FKBP1A: variants seen among roughly 807,000 people sequenced by gnomAD.
The protein encoded by FKBP1A is FKBP prolyl isomerase 1A.
In FKBP1A, 5 loss-of-function variants were observed where a neutral mutation model predicts 14.2. That is an observed-to-expected ratio of 0.35 (90% CI 0.18 to 0.74). FKBP1A has a LOEUF of 0.74. Among genes scored for constraint, FKBP1A ranks in the 30% least tolerant of loss-of-function variants. FKBP1A has a pLI of 0.56. For missense variants in FKBP1A, 53 were observed against 138.8 expected, an observed-to-expected ratio of 0.38 and a Z score of 3.10; for synonymous variants, 42 against 49.1, an observed-to-expected ratio of 0.86 and a Z score of 0.60.
chr20:1,392,762 G>C lies in FKBP1A; in HGVS notation c.85+72C>G, dbSNP rs538275946. ...CGGACCCCAGGCCCCGGGCCCCCAG[G>C]CCTCGACGGCCAGCCGCACCCGGGC... On this transcript the variant is annotated intron_variant, in intron 2 of 4. Transcript: ENST00000400137. 2.4e-4 allele frequency: 297 copies of C among 1,215,690 alleles called. No homozygotes were observed. In the African/African-American group the frequency reaches 4.4e-3, roughly 18 times the overall value. The allele number at this position is 1,215,690 out of a possible 1,614,324, so 75.3% of individuals were successfully genotyped here. A position where few individuals can be genotyped will look rare whatever the true frequency, so the allele number is the denominator to read the frequency against.
Position 1,375,590 on chromosome 20 carries a change from A to G in FKBP1A, c.99T>C (p.Asp33=), listed in dbSNP as rs753166355. ...CVVHYTGMLE[D]GKKFDSSRDR... ...CCCGGGAGGAATCAAATTTCTTTCC[A>G]TCTTCAAGCATCCCTGTGAAAAAGA... Residue 33 remains aspartate, a synonymous_variant, in exon 3 of 5, where the codon GAT becomes GAC. Transcript: ENST00000400137. The G allele has an allele frequency of 6.2e-7, 1 of 1,613,136 alleles. No homozygotes were observed. The highest frequency in any genetic ancestry group is 8.5e-7 in the Non-Finnish European group (1 of 1,179,106).
rs2089666216 is a variant in FKBP1A at position 1,386,042 on chromosome 20, G to GT, written c.85+6791dup. Among the ~76,000 whole-genome samples the GT allele has an allele frequency of 2.6e-5, 4 of 152,336 alleles. No homozygotes were observed. The South Asian group carries it at 8.3e-4, about 32-fold the overall frequency. On this transcript the variant is annotated intron_variant, in intron 2 of 4. Coordinates refer to ENST00000400137, the MANE Select transcript of FKBP1A (RefSeq NM_000801.5). The surrounding 1 kb of genome is among the most constrained non-coding windows in gnomAD (Gnocchi z 4.7). ...ACAGTGTGAGATGAAGGCAGGAACT[G>GT]TGTCTTCTTCACTCCTAAATTCTTG...
At chr20:1,375,323 A>G (rs1212343828) in intron 3 of FKBP1A, 168 bp downstream of exon 3, 4 of 622,200 alleles carry the variant, frequency 6.4e-6, no homozygotes, top group East Asian at 2.7e-5. Flanking sequence ...ACCACAGTAC[A>G]AGAAACATTA....
intron 4 of FKBP1A, 187 bp downstream of exon 4, chr20:1,371,889 T>C: frequency 1.5e-6 from 2 of 1,360,704 alleles, no homozygotes; most frequent in Non-Finnish European, 1.9e-6. Flanking sequence ...TTCCTTTCCT[T>C]AGGGTGACCA....
chr20:1,391,355 T>A (rs1380623131), intron 2 of FKBP1A, among the ~76,000 whole-genome samples: 1 of 152,204 alleles, frequency 6.6e-6, no homozygotes. Context: ...CGCTTTCATC[T>A]ACCAGACCTC....
chr20:1,389,330 G>C (rs963687387), intron 2 of FKBP1A, among the ~76,000 whole-genome samples: 2 of 152,216 alleles, frequency 1.3e-5, no homozygotes, highest in African/African-American at 4.8e-5. Context: ...TACAGCCTGT[G>C]TGCCTCAAGA....
intron 2 of FKBP1A, among the ~76,000 whole-genome samples, chr20:1,388,902 C>T (rs886563522): frequency 3.3e-5 from 5 of 152,160 alleles, no homozygotes; most frequent in Admixed American, 6.5e-5. Context: ...GTTCCTCTAA[C>T]GCACCGGTCT....
At chr20:1,389,649 A>T (rs571910531) in intron 2 of FKBP1A, among the ~76,000 whole-genome samples, 1 of 152,166 alleles carries the variant, frequency 6.6e-6, no homozygotes, top group Non-Finnish European at 1.5e-5. Flanking sequence ...CAAGGACAAA[A>T]TGTCCAGTTA....
chr20:1,382,766 C>G (rs952611519), intron 2 of FKBP1A, among the ~76,000 whole-genome samples: 1 of 152,158 alleles, frequency 6.6e-6, no homozygotes, highest in Non-Finnish European at 1.5e-5. Context: ...CAGTTAAAAG[C>G]ACAAGACCAT....
chr20:1,385,849 T>C (rs1439395057), intron 2 of FKBP1A, among the ~76,000 whole-genome samples: 2 of 152,266 alleles, frequency 1.3e-5, no homozygotes, highest in East Asian at 1.9e-4. Flanking sequence ...AACAGTCACA[T>C]AGGTTACATC....
In FKBP1A at chr20:1,379,080, C is replaced by T. The variant is rs941894065; in HGVS notation, c.86-3477G>A. Among the ~76,000 whole-genome samples, 3 of 152,172 alleles carry T rather than the reference C, an allele frequency of 2.0e-5. No individual in the cohort carries two copies. Among genetic ancestry groups the T allele is most frequent in the African/African-American group, 4.8e-5 (2 of 41,432 alleles). On this transcript the variant is annotated intron_variant, in intron 2 of 4. Coordinates refer to ENST00000400137, the MANE Select transcript of FKBP1A (RefSeq NM_000801.5). This position sits in a 1 kb window ranked among gnomAD's most constrained non-coding sequence, Gnocchi z 4.3. The stretch of plus-strand genomic sequence containing the variant: ...TTCATAACCCACAATTTGGAAAGTA[C>T]GGTATACCTATAAAAAATTAGCCTT...
chr20:1,387,567 T>C (rs1312384710), intron 2 of FKBP1A, among the ~76,000 whole-genome samples: 2 of 152,186 alleles, frequency 1.3e-5, no homozygotes, highest in Non-Finnish European at 2.9e-5. Flanking sequence ...AATTAAAGGC[T>C]GGGCACGGTG....
intron 2 of FKBP1A, among the ~76,000 whole-genome samples, chr20:1,382,690 G>A (rs1309991274): frequency 6.6e-6 from 1 of 152,176 alleles, no homozygotes; most frequent in East Asian, 1.9e-4. Context: ...GGTAATCCCA[G>A]AATGGTAAAC....
chr20:1,391,647 C>T, intron 2 of FKBP1A: 1 of 398,606 alleles, frequency 2.5e-6, no homozygotes. Context: ...ATAGAGGGAT[C>T]CCTCCATGTT....
At chr20:1,383,348 TA>T (rs60028971) in intron 2 of FKBP1A, among the ~76,000 whole-genome samples, 45,435 of 145,074 alleles carry the variant, frequency 0.31, 7,593 homozygotes, top group African/African-American at 0.46. Flanking sequence ...GTTTTAAGAT[TA>T]AAAAAAAAAA....
chr20:1,385,373 G>C lies in FKBP1A; in HGVS notation c.85+7461C>G, dbSNP rs566662526. 5.3e-5 allele frequency among the ~76,000 whole-genome samples: 8 copies of C among 152,326 alleles called. No homozygotes were observed. In the South Asian group the frequency reaches 1.0e-3, roughly 20 times the overall value. ...CCAGGGCACTCCAGCCTGGGCGACA[G>C]AGTGAGACTCCATCTCCAAAAAAAT... On this transcript the variant is annotated intron_variant, in intron 2 of 4. Coordinates refer to ENST00000400137, the MANE Select transcript of FKBP1A (RefSeq NM_000801.5).
chr20:1,390,467 G>GA (rs1555789421), intron 2 of FKBP1A, among the ~76,000 whole-genome samples: 13 of 152,196 alleles, frequency 8.5e-5, no homozygotes, highest in African/African-American at 3.1e-4. Flanking sequence ...AGTCAGGCAG[G>GA]AAACAAAACA....
intron 4 of FKBP1A, chr20:1,371,130 G>C (rs1600322236): frequency 1.0e-6 from 1 of 985,430 alleles, no homozygotes; most frequent in East Asian, 1.1e-4. Context: ...CCAGGCCTTG[G>C]CTGTGACCCT....
chr20:1,384,489 A>G (rs746635164), intron 2 of FKBP1A, among the ~76,000 whole-genome samples: 4 of 152,254 alleles, frequency 2.6e-5, no homozygotes, highest in Non-Finnish European at 5.9e-5. Flanking sequence ...CTCCACTAGC[A>G]GAGCCATCCT....
Sources: gnomAD v4.1 joint callset for allele counts (sites outside exome capture counted in the v4.1 genomes callset) on GRCh38, gnomAD v4.1.1 for gene constraint, Gnocchi (gnomAD v3.1) non-coding constraint, MANE v1.5 for transcripts, NCBI Gene and HGNC (gene_info 2026-07-23, HGNC 2026-07-21) for gene names.